Variants in ZNF423 observed in about 807,000 individuals in gnomAD.
ZNF423 encodes zinc finger protein 423.
A neutral mutation model predicts 95.8 loss-of-function variants in ZNF423; 12 were observed. The ratio of observed to expected loss-of-function variants is 0.13; its 90% CI spans 0.08 to 0.20. The LOEUF is 0.20. Ranked by LOEUF, ZNF423 falls within the 10% of genes least tolerant of loss-of-function variation. The pLI, the probability that ZNF423 is intolerant of heterozygous loss-of-function variation, is 1.00. For missense variants in ZNF423, 1,316 were observed against 1,737.1 expected (o/e 0.76, Z 4.31); for synonymous variants, 749 against 711.9 (o/e 1.05, Z -0.83).
intron 4 of ZNF423, among the ~76,000 whole-genome samples, chr16:49,631,850 G>A (rs544521429): frequency 1.3e-5 from 2 of 152,278 alleles, no homozygotes; most frequent in South Asian, 4.2e-4. Flanking sequence ...CTAGGGATGG[G>A]GTAAGTGGAG....
At chr16:49,725,174 G>A (rs768683282) in intron 3 of ZNF423, among the ~76,000 whole-genome samples, 7 of 152,196 alleles carry the variant, frequency 4.6e-5, no homozygotes, top group South Asian at 4.1e-4. Context: ...CCTGAGGCCA[G>A]GAGGTCATGA....
chr16:49,558,552 T>G (rs187633293), intron 5 of ZNF423, among the ~76,000 whole-genome samples: 2 of 152,252 alleles, frequency 1.3e-5, no homozygotes, highest in Admixed American at 6.5e-5. Flanking sequence ...TGCTAAGTAA[T>G]GGACCCATCA....
intron 1 of ZNF423, among the ~76,000 whole-genome samples, chr16:49,848,652 G>A (rs1034033631): frequency 6.6e-6 from 1 of 152,176 alleles, no homozygotes. Context: ...AAGATGACAT[G>A]AACATCTGCT....
chr16:49,657,509 G>A (rs1292923941), intron 3 of ZNF423, among the ~76,000 whole-genome samples: 1 of 152,224 alleles, frequency 6.6e-6, no homozygotes, highest in Non-Finnish European at 1.5e-5. Context: ...CCACCTCCAG[G>A]TGTCTGCCTG....
chr16:49,639,108 C>T (rs934576077), intron 3 of ZNF423, among the ~76,000 whole-genome samples: 1 of 152,182 alleles, frequency 6.6e-6, no homozygotes, highest in African/African-American at 2.4e-5. Context: ...TTTCCCTTCA[C>T]AACACTTGCC....
At chr16:49,685,788 G>T (rs978035356) in intron 3 of ZNF423, among the ~76,000 whole-genome samples, 2 of 152,122 alleles carry the variant, frequency 1.3e-5, no homozygotes, top group African/African-American at 4.8e-5. Context: ...ATGAGTCTGA[G>T]GATGCCAAGA....
chr16:49,753,858 C>A (rs1353706527), intron 2 of ZNF423, among the ~76,000 whole-genome samples: 1 of 152,012 alleles, frequency 6.6e-6, no homozygotes, highest in Admixed American at 6.6e-5. Context: ...TGGCAAAACC[C>A]CGTCTCTACT....
chr16:49,814,087 C>T (rs1381596986), intron 1 of ZNF423, among the ~76,000 whole-genome samples: 4 of 152,320 alleles, frequency 2.6e-5, no homozygotes, highest in East Asian at 1.9e-4. Context: ...GGCGTGAGGT[C>T]GAAGGCTGTG....
rs1966871475 is a variant in ZNF423 at position 49,487,981 on chromosome 16, G to A, written c.*3294C>T. On this transcript the variant is annotated 3_prime_UTR_variant, in exon 8 of 8. Transcript: ENST00000563137. Reference sequence around the variant, plus strand: ...TGGCTATGCATTTACTGGCATGCTTGCCTGTGCCACTGTGGCCTCCATGAG... The same window carrying A: ...TGGCTATGCATTTACTGGCATGCTTACCTGTGCCACTGTGGCCTCCATGAG... 6.6e-6 allele frequency: 1 copy of A among 152,240 alleles called. No homozygotes were observed. The highest frequency in any genetic ancestry group is 1.5e-5 in the Non-Finnish European group (1 of 68,060). 9.4% of individuals were successfully genotyped at this position (152,240 alleles called of 1,614,324 possible).
chr16:49,674,436 G>A (rs766654037), intron 3 of ZNF423, among the ~76,000 whole-genome samples: 11 of 152,254 alleles, frequency 7.2e-5, no homozygotes, highest in Middle Eastern at 3.4e-3. Context: ...TACACGGTGC[G>A]TCATCCCACT....
chr16:49,658,504 G>A (rs2030013806), intron 3 of ZNF423, among the ~76,000 whole-genome samples: 1 of 152,252 alleles, frequency 6.6e-6, no homozygotes, highest in African/African-American at 2.4e-5. Context: ...CACCCCTAGA[G>A]TAATTGTCGT....
rs556260426 is a variant in ZNF423, at chr16:49,814,427, G to T, written c.41-24881C>A. ...CTGCACCTGCCCTTTCCAACAATGGGACAGGATCGGAGGGCAAGCGGGACA... is the reference window on the plus strand; with the variant it reads ...CTGCACCTGCCCTTTCCAACAATGGTACAGGATCGGAGGGCAAGCGGGACA... On this transcript the variant is annotated intron_variant, in intron 1 of 7. Transcript: ENST00000563137. Among the ~76,000 whole-genome samples the T allele has an allele frequency of 2.8e-4, 42 of 151,746 alleles. No individual in the cohort carries two copies. In the South Asian group the frequency reaches 8.7e-3, roughly 32 times the overall value.
At chr16:49,696,594 G>A (rs1320971318) in intron 3 of ZNF423, among the ~76,000 whole-genome samples, 1 of 152,148 alleles carries the variant, frequency 6.6e-6, no homozygotes, top group East Asian at 1.9e-4. Context: ...GCCCAGCATG[G>A]GGTGGGCTGG....
At chr16:49,708,406 C>G (rs1186680287) in intron 3 of ZNF423, among the ~76,000 whole-genome samples, 1 of 152,134 alleles carries the variant, frequency 6.6e-6, no homozygotes, top group Non-Finnish European at 1.5e-5. Context: ...ACCGCCTCAG[C>G]CTCCCCAGTA....
rs992515349 is a variant in ZNF423, at chr16:49,731,497, T to C, written c.101-526A>G. 25 of 409,486 alleles carry C rather than the reference T, an allele frequency of 6.1e-5. No individual in the cohort carries two copies. In the Admixed American group the frequency reaches 1.5e-3, roughly 25 times the overall value. The allele number at this position is 409,486 out of a possible 1,614,324, so 25.4% of individuals were successfully genotyped here. A position where few individuals can be genotyped will look rare whatever the true frequency, so the allele number is the denominator to read the frequency against. ...GGAAGTACACATGTTTGAAGAACCA[T>C]GGATGGTCGAATCTCAAGCTTAAAA... On this transcript the variant is annotated intron_variant, in intron 2 of 7. Coordinates refer to ENST00000563137, the MANE Select transcript of ZNF423 (RefSeq NM_001379286.1).
chr16:49,548,175 A>T (rs991938090), intron 5 of ZNF423, among the ~76,000 whole-genome samples: 6 of 151,892 alleles, frequency 4.0e-5, no homozygotes, highest in Non-Finnish European at 8.8e-5. Context: ...TCCTCCAAGC[A>T]CCTCCCAGTT....
chr16:49,503,060 T>TC (rs918430554), intron 7 of ZNF423, among the ~76,000 whole-genome samples: 8 of 141,244 alleles, frequency 5.7e-5, no homozygotes, highest in Admixed American at 1.4e-4. Flanking sequence ...TACCCTCGAA[T>TC]CCCCCCCCAG....
chr16:49,525,508 C>T lies in ZNF423; in HGVS notation c.3602-14G>A, dbSNP rs2151709038. ...TGATGCCTTCCTCTGCAAGGAAAAC[C>T]CGTGACCAGTCAGTGACCAGCATGC... On this transcript the variant is annotated splice_polypyrimidine_tract_variant and intron_variant, in intron 5 of 7. Transcript: ENST00000563137. The T allele has an allele frequency of 1.2e-6, 2 of 1,613,854 alleles. No homozygotes were observed. The highest frequency in any genetic ancestry group is 2.2e-5 in the East Asian group (1 of 44,872).
At chr16:49,627,671 C>A (rs566119339) in intron 4 of ZNF423, among the ~76,000 whole-genome samples, 179 of 150,690 alleles carry the variant, frequency 1.2e-3, no homozygotes, top group African/African-American at 4.0e-3. Context: ...CACACACATA[C>A]CCATATACCC....
Sources: gnomAD v4.1 joint callset for allele counts (sites outside exome capture counted in the v4.1 genomes callset) on GRCh38, gnomAD v4.1.1 for gene constraint, MANE v1.5 for transcripts, NCBI Gene and HGNC (gene_info 2026-07-23, HGNC 2026-07-21) for gene names.